EMC2: variants seen among roughly 807,000 people sequenced by gnomAD.
EMC2 encodes TPR repeat protein 35.
EMC2 carries 37 observed loss-of-function variants against 51.6 expected under a neutral mutation model. The observed-to-expected ratio is 0.72, with a 90% CI of 0.55 to 0.94. The LOEUF (loss-of-function observed/expected upper bound fraction) is 0.94. EMC2 is among the 40% of genes least tolerant of loss of function. The pLI is 0.00. For missense variants in EMC2, 359 were observed against 350.9 expected, an observed-to-expected ratio of 1.02 and a Z score of -0.18; for synonymous variants, 131 against 112.4, an observed-to-expected ratio of 1.17 and a Z score of -1.04.
intron 5 of EMC2, among the ~76,000 whole-genome samples, chr8:108,462,475 T>C (rs1222797215): frequency 2.0e-5 from 3 of 152,130 alleles, no homozygotes; most frequent in Admixed American, 6.5e-5. Context: ...TGGATGTCAT[T>C]GGTGGGATGA....
At chr8:108,481,327 G>A (rs1189657380) in intron 10 of EMC2, among the ~76,000 whole-genome samples, 1 of 151,898 alleles carries the variant, frequency 6.6e-6, no homozygotes, top group Non-Finnish European at 1.5e-5. Flanking sequence ...AGTTTTGTTG[G>A]CATATTCTAA....
chr8:108,475,159 A>G (rs1235291706), intron 7 of EMC2: 2 of 151,956 alleles, frequency 1.3e-5, no homozygotes, highest in East Asian at 1.9e-4. Context: ...GGATAGTCAC[A>G]TGGCATTAAA....
At chr8:108,485,511 TTAATATATATACATATATA>T (rs1346724588) in intron 10 of EMC2, among the ~76,000 whole-genome samples, 3 of 126,134 alleles carry the variant, frequency 2.4e-5, no homozygotes, top group South Asian at 2.5e-4. Context: ...TAATATATAA[TTAATATATATACATATATA>T]TAATATATAT....
rs1811173172 is a variant in EMC2, at chr8:108,487,983, T to A, written c.*1385T>A. ...ACACATGAAATTAGTAACTGCATTT[T>A]CAACATGATGAACCATTTGAAATTT... On this transcript the variant is annotated 3_prime_UTR_variant, in exon 11 of 11. Coordinates refer to ENST00000220853, the MANE Select transcript of EMC2 (RefSeq NM_014673.5). Among the ~76,000 whole-genome samples the A allele has an allele frequency of 6.6e-6, 1 of 152,172 alleles. No homozygotes were observed. Among genetic ancestry groups the A allele is most frequent in the Middle Eastern group, 3.2e-3 (1 of 316 alleles).
In EMC2 at chr8:108,463,423, A is replaced by T. The variant is rs79060030; in HGVS notation, c.364-6403A>T. Among the ~76,000 whole-genome samples the T allele has an allele frequency of 7.5e-3, 1,142 of 151,944 alleles. 12 individuals carry two copies. The highest frequency in any genetic ancestry group is 0.026 in the African/African-American group (1,088 of 41,426). On this transcript the variant is annotated intron_variant, in intron 5 of 10. Transcript: ENST00000220853. Reference sequence around the variant, plus strand: ...TCGGCTTGCGTTTTGAAAATGATTGACTTTTCATACTTTGAATCTTCCTTA... The same window carrying T: ...TCGGCTTGCGTTTTGAAAATGATTGTCTTTTCATACTTTGAATCTTCCTTA...
At chr8:108,454,860 T>C (rs1819114038) in intron 4 of EMC2, among the ~76,000 whole-genome samples, 1 of 152,078 alleles carries the variant, frequency 6.6e-6, no homozygotes, top group Admixed American at 6.5e-5. Context: ...AATTCTAAGT[T>C]GGTTTTCTCT....
intron 9 of EMC2, among the ~76,000 whole-genome samples, chr8:108,478,335 G>A (rs891696429): frequency 2.0e-5 from 3 of 151,958 alleles, no homozygotes; most frequent in South Asian, 2.1e-4. Flanking sequence ...ATTAAGAACC[G>A]CTCATTTAAA....
rs944652316 is a variant in EMC2 at position 108,487,852 on chromosome 8, C to T, written c.*1254C>T. 2.6e-5 allele frequency among the ~76,000 whole-genome samples: 4 copies of T among 152,050 alleles called. No individual in the cohort carries two copies. Among genetic ancestry groups the T allele is most frequent in the Non-Finnish European group, 5.9e-5 (4 of 68,012 alleles). On this transcript the variant is annotated 3_prime_UTR_variant, in exon 11 of 11. Transcript: ENST00000220853. ...ATATTACAGTCATTTTCGTTTTATT[C>T]TGCCACGAGTAATAGGCAGCTGATT...
At chr8:108,450,629 T>G (rs1818994425) in intron 3 of EMC2, 137 bp downstream of exon 3, 1 of 640,688 alleles carries the variant, frequency 1.6e-6, no homozygotes, top group Admixed American at 2.5e-5. Flanking sequence ...TGGAACTAAC[T>G]AGATATTTTA....
intron 5 of EMC2, among the ~76,000 whole-genome samples, chr8:108,462,503 G>A (rs1819354546): frequency 6.6e-6 from 1 of 152,120 alleles, no homozygotes; most frequent in Non-Finnish European, 1.5e-5. Flanking sequence ...GAGGTGAAAT[G>A]TCTGGGTCAG....
intron 8 of EMC2, among the ~76,000 whole-genome samples, chr8:108,476,191 A>G (rs1810943195): frequency 6.6e-6 from 1 of 151,854 alleles, no homozygotes; most frequent in Non-Finnish European, 1.5e-5. Context: ...ATATTTGTAT[A>G]CTATTTTCTT....
At chr8:108,475,647 T>C (rs1467286866) in intron 7 of EMC2, 1 of 408,008 alleles carries the variant, frequency 2.5e-6, no homozygotes, top group African/African-American at 2.1e-5. Context: ...ATCTATTGAT[T>C]GTTTGCAGGC....
At chr8:108,456,037 T>A (rs1003949098) in intron 5 of EMC2, 107 bp downstream of exon 5, 2 of 353,662 alleles carry the variant, frequency 5.7e-6, no homozygotes, top group Admixed American at 4.7e-5. Flanking sequence ...ATTTTTAATT[T>A]TTAATTAAAA....
At chr8:108,478,872 T>A in intron 9 of EMC2, 134 bp from the exon 10 acceptor site, 1 of 388,176 alleles carries the variant, frequency 2.6e-6, no homozygotes, top group Non-Finnish European at 4.5e-6. Context: ...CAACTTTATG[T>A]TTATATTAAA....
Position 108,453,166 on chromosome 8 carries a change from C to G in EMC2, c.305+19C>G. On this transcript the variant is annotated intron_variant, in intron 4 of 10. Transcript: ENST00000220853. Reference sequence around the variant, plus strand: ...TGGAAAGGTAACCAAATCTTATCAGCTGGCAGGCATGGAGCCTGTTAATCA... The same window carrying G: ...TGGAAAGGTAACCAAATCTTATCAGGTGGCAGGCATGGAGCCTGTTAATCA... The G allele has an allele frequency of 6.8e-7, 1 of 1,480,842 alleles. No homozygotes were observed. Among genetic ancestry groups the G allele is most frequent in the Non-Finnish European group, 9.3e-7 (1 of 1,076,582 alleles). The allele number at this position is 1,480,842 out of a possible 1,614,324, so 91.7% of individuals were successfully genotyped here. A position where few individuals can be genotyped will look rare whatever the true frequency, so the allele number is the denominator to read the frequency against.
intron 1 of EMC2, among the ~76,000 whole-genome samples, chr8:108,448,177 T>G (rs1244338489): frequency 6.6e-6 from 1 of 152,186 alleles, no homozygotes; most frequent in African/African-American, 2.4e-5. Context: ...TTTATATATA[T>G]TTTATGTAAT....
chr8:108,477,418 G>T (rs140480765), intron 9 of EMC2, among the ~76,000 whole-genome samples: 6 of 151,986 alleles, frequency 3.9e-5, no homozygotes, highest in African/African-American at 1.4e-4. Context: ...AAGAGCTGTG[G>T]GAAATAGAGG....
chr8:108,445,565 A>G (rs1586172107), intron 1 of EMC2, among the ~76,000 whole-genome samples: 1 of 148,824 alleles, frequency 6.7e-6, no homozygotes, highest in Admixed American at 6.7e-5. Context: ...CCACTCTACT[A>G]CCCCCTTCCC....
At chr8:108,483,140 G>A (rs1038806431) in intron 10 of EMC2, among the ~76,000 whole-genome samples, 1 of 151,954 alleles carries the variant, frequency 6.6e-6, no homozygotes, top group African/African-American at 2.4e-5. Flanking sequence ...CTGCAAGATG[G>A]CCATAATGAA....
Sources: gnomAD v4.1 joint callset for allele counts (sites outside exome capture counted in the v4.1 genomes callset) on GRCh38, gnomAD v4.1.1 for gene constraint, MANE v1.5 for transcripts, NCBI Gene and HGNC (gene_info 2026-07-23, HGNC 2026-07-21) for gene names.